Variants in SCAPER observed in about 807,000 individuals in gnomAD.
SCAPER encodes S-phase cyclin A associated protein in the ER, also known as S phase cyclin A-associated protein in the endoplasmic reticulum.
In SCAPER, 98 loss-of-function variants were observed where a neutral mutation model predicts 182.2. The observed-to-expected ratio is 0.54, with a 90% confidence interval of 0.46 to 0.64. SCAPER has a LOEUF of 0.64. SCAPER is among the 30% of genes least tolerant of loss of function. The pLI, the probability that SCAPER is intolerant of heterozygous loss-of-function variation, is 0.00. For synonymous variants in SCAPER, 605 were observed against 564.6 expected (o/e 1.07, Z -1.01); for missense variants, 1,432 against 1,690.0 (o/e 0.85, Z 2.68).
chr15:76,734,264 G>A (rs1325366208), intron 15 of SCAPER, among the ~76,000 whole-genome samples: 1 of 152,148 alleles, frequency 6.6e-6, no homozygotes, highest in African/African-American at 2.4e-5. Context: ...GTAAAGGATA[G>A]CTAATGATAA....
At chr15:76,533,149 T>C (rs1320585342) in intron 23 of SCAPER, among the ~76,000 whole-genome samples, 1 of 152,124 alleles carries the variant, frequency 6.6e-6, no homozygotes, top group East Asian at 1.9e-4. Context: ...GAGATTAGTT[T>C]TGAAGAGTAA....
At chr15:76,799,970 G>A (rs531641357) in intron 7 of SCAPER, among the ~76,000 whole-genome samples, 1 of 151,706 alleles carries the variant, frequency 6.6e-6, no homozygotes, top group African/African-American at 2.4e-5. Flanking sequence ...GTGCAAGTCA[G>A]CATATGACTC....
intron 24 of SCAPER, among the ~76,000 whole-genome samples, chr15:76,480,876 G>A (rs1298812488): frequency 1.3e-5 from 2 of 152,008 alleles, no homozygotes; most frequent in South Asian, 2.1e-4. Context: ...GACGACAGGC[G>A]CCTACCACTA....
intron 5 of SCAPER, among the ~76,000 whole-genome samples, chr15:76,818,804 G>A (rs552139777): frequency 6.6e-6 from 1 of 152,388 alleles, no homozygotes; most frequent in East Asian, 1.9e-4. Flanking sequence ...CCTCACCAGG[G>A]AAGCCCAAGG....
intron 8 of SCAPER, among the ~76,000 whole-genome samples, chr15:76,792,744 T>G (rs2065080338): frequency 1.3e-5 from 2 of 152,204 alleles, no homozygotes; most frequent in African/African-American, 4.8e-5. Flanking sequence ...AATCATGTGA[T>G]GACATCATGT....
chr15:76,459,543 G>GTTTTT (rs57690324), intron 25 of SCAPER, among the ~76,000 whole-genome samples: 27 of 144,010 alleles, frequency 1.9e-4, no homozygotes, highest in African/African-American at 5.3e-4. Flanking sequence ...AATTATTAGG[G>GTTTTT]TTTTTTTTTT....
intron 27 of SCAPER, among the ~76,000 whole-genome samples, chr15:76,395,808 T>G (rs1230766413): frequency 2.0e-5 from 3 of 152,102 alleles, no homozygotes; most frequent in African/African-American, 7.3e-5. Flanking sequence ...GTCTCTTCAC[T>G]TGATTGATTG....
chr15:76,745,228 T>C (rs550267025), intron 15 of SCAPER, among the ~76,000 whole-genome samples: 1 of 151,952 alleles, frequency 6.6e-6, no homozygotes, highest in Non-Finnish European at 1.5e-5. Flanking sequence ...TCACCTGAGG[T>C]TAGGAGTTCA....
intron 23 of SCAPER, among the ~76,000 whole-genome samples, chr15:76,544,872 A>C (rs1481987957): frequency 6.6e-6 from 1 of 152,176 alleles, no homozygotes; most frequent in Non-Finnish European, 1.5e-5. Context: ...CCAAACACTC[A>C]ATGGTTTTGG....
rs1414308437 is a variant in SCAPER at position 76,538,395 on chromosome 15, G to A, written c.2839-33421C>T. On this transcript the variant is annotated intron_variant, in intron 23 of 31. Coordinates refer to ENST00000563290, the MANE Select transcript of SCAPER (RefSeq NM_020843.4). ...GGAATACTATGCAGCCATAAAAAAT[G>A]ATGAGTTCATGTCCTTTGTAGGGAC... Among the ~76,000 whole-genome samples the A allele has an allele frequency of 2.0e-5, 3 of 150,794 alleles. No homozygotes were observed. The East Asian group carries it at 5.8e-4, about 29-fold the overall frequency.
At chr15:76,903,596 A>T (rs2074918156) in intron 1 of SCAPER, among the ~76,000 whole-genome samples, 1 of 152,234 alleles carries the variant, frequency 6.6e-6, no homozygotes, top group Non-Finnish European at 1.5e-5. Flanking sequence ...GAATCATCAG[A>T]CATCTTGATC....
intron 6 of SCAPER, among the ~76,000 whole-genome samples, chr15:76,802,101 T>C (rs1330353636): frequency 6.6e-6 from 1 of 152,022 alleles, no homozygotes; most frequent in Non-Finnish European, 1.5e-5. Context: ...CATTGGTGAT[T>C]ACATTACAGA....
chr15:76,576,987 G>C (rs1567506894), intron 22 of SCAPER: 1 of 152,182 alleles, frequency 6.6e-6, no homozygotes, highest in Admixed American at 6.5e-5. Context: ...GCAAGTCCTG[G>C]TGTTGTGCTG....
chr15:76,860,205 AC>A (rs1467723933), intron 3 of SCAPER, among the ~76,000 whole-genome samples: 1 of 152,158 alleles, frequency 6.6e-6, no homozygotes, highest in Non-Finnish European at 1.5e-5. Context: ...GTTCAGAATA[AC>A]CCATGGAAAA....
At chr15:76,442,038 T>G (rs1381501725) in intron 25 of SCAPER, among the ~76,000 whole-genome samples, 2 of 152,188 alleles carry the variant, frequency 1.3e-5, no homozygotes, top group Admixed American at 1.3e-4. Flanking sequence ...TAAATATCTA[T>G]CTATCTATCT....
intron 15 of SCAPER, among the ~76,000 whole-genome samples, chr15:76,753,263 C>G (rs142321923): frequency 2.6e-5 from 4 of 151,622 alleles, no homozygotes; most frequent in African/African-American, 9.7e-5. Context: ...TATTTCCATA[C>G]GTAAAGAAAT....
intron 19 of SCAPER, 61 bp from the exon 20 acceptor site, chr15:76,701,926 C>T (rs947712217): frequency 2.6e-6 from 3 of 1,166,044 alleles, no homozygotes; most frequent in South Asian, 2.5e-5. Flanking sequence ...TTAAACACTA[C>T]ACATTCAGTC....
Position 76,574,207 on chromosome 15 carries a change from G to A in SCAPER, c.2789C>T (p.Ser930Phe), listed in dbSNP as rs1567499255. The A allele has an allele frequency of 6.2e-7, 1 of 1,610,984 alleles. No individual in the cohort carries two copies. The highest frequency in any genetic ancestry group is 8.5e-7 in the Non-Finnish European group (1 of 1,178,612). The change falls in exon 23 of 32, where the codon TCT becomes TTT. Residue 930 changes from serine (S) to phenylalanine (F), a missense_variant. Around this residue, in one of 5 missense-constraint regions of SCAPER, gnomAD observed 718 missense variants for 799.7 expected, o/e 0.90. Transcript: ENST00000563290. Reference sequence around the variant, plus strand: ...CTCTCCTAGGGTCCGATCCAAAGCAGACACTTTATTGTTTGCCCATGAGCC... The same window carrying A: ...CTCTCCTAGGGTCCGATCCAAAGCAAACACTTTATTGTTTGCCCATGAGCC... ...DSGSWANNKV[S>F]ALDRTLGEIT...
intron 21 of SCAPER, among the ~76,000 whole-genome samples, chr15:76,661,423 C>T (rs1373442695): frequency 8.5e-5 from 13 of 152,136 alleles, no homozygotes. Flanking sequence ...ATTTTTCAAT[C>T]TACCCATCTG....
Sources: allele counts gnomAD v4.1 joint callset (sites outside exome capture counted in the v4.1 genomes callset), GRCh38; gene constraint gnomAD v4.1.1; regional missense constraint gnomAD v4.1.1; transcripts MANE v1.5; gene names NCBI Gene and HGNC (gene_info 2026-07-23, HGNC 2026-07-21).